Variants in SORCS1 observed in about 807,000 individuals in gnomAD.
SORCS1 encodes VPS10 domain-containing receptor SorCS1.
In SORCS1, 60 loss-of-function variants were observed where a neutral mutation model predicts 146.1. The observed-to-expected ratio is 0.41, with a 90% CI of 0.33 to 0.51. The LOEUF (loss-of-function observed/expected upper bound fraction) is 0.51. SORCS1 is among the 20% of genes least tolerant of loss of function. SORCS1 has a pLI of 0.21. For synonymous variants in SORCS1, 637 were observed against 584.0 expected, an observed-to-expected ratio of 1.09 and a Z score of -1.31; for missense variants, 1,352 against 1,487.6, an observed-to-expected ratio of 0.91 and a Z score of 1.50.
intron 1 of SORCS1, among the ~76,000 whole-genome samples, chr10:106,959,478 G>A (rs1955123858): frequency 6.6e-6 from 1 of 152,002 alleles, no homozygotes; most frequent in South Asian, 2.1e-4. Flanking sequence ...TGTTAGATAT[G>A]TTTTGCTGTT....
intron 3 of SORCS1, among the ~76,000 whole-genome samples, chr10:106,815,844 A>G (rs777122275): frequency 3.3e-5 from 5 of 152,324 alleles, no homozygotes; most frequent in Non-Finnish European, 7.4e-5. Context: ...GTTAGCACTA[A>G]AAGTGCAAGG....
chr10:107,068,362 G>C (rs1357984849), intron 1 of SORCS1, among the ~76,000 whole-genome samples: 1 of 152,048 alleles, frequency 6.6e-6, no homozygotes, highest in Non-Finnish European at 1.5e-5. Context: ...ATAACAAGGG[G>C]GAACAACAGA....
chr10:106,824,864 C>T (rs1010274128), intron 3 of SORCS1, among the ~76,000 whole-genome samples: 4 of 152,016 alleles, frequency 2.6e-5, no homozygotes, highest in Non-Finnish European at 2.9e-5. Context: ...AGTCTCTCAG[C>T]AGGAATGATG....
chr10:106,657,648 T>C (rs918906965), intron 17 of SORCS1, among the ~76,000 whole-genome samples: 3 of 109,312 alleles, frequency 2.7e-5, no homozygotes, highest in Non-Finnish European at 3.6e-5. Context: ...ATCTCAAAAA[T>C]ATATAACACT....
At chr10:107,150,459 G>A (rs1158076766) in intron 1 of SORCS1, among the ~76,000 whole-genome samples, 1 of 152,222 alleles carries the variant, frequency 6.6e-6, no homozygotes, top group Non-Finnish European at 1.5e-5. Flanking sequence ...TGCAAGAGTG[G>A]CTACCTGTGC....
At chr10:106,934,435 A>G (rs1457847188) in intron 2 of SORCS1, among the ~76,000 whole-genome samples, 1 of 151,276 alleles carries the variant, frequency 6.6e-6, no homozygotes, top group African/African-American at 2.4e-5. Flanking sequence ...TTTTTTTTGT[A>G]TTTTTAGTGG....
chr10:106,652,412 G>T lies in SORCS1; in HGVS notation c.2445C>A (p.His815Gln), dbSNP rs779202074. 6.2e-7 allele frequency: 1 copy of T among 1,614,132 alleles called. No individual in the cohort carries two copies. The highest frequency in any genetic ancestry group is 1.7e-5 in the Admixed American group (1 of 60,016). ...CTAATTGCACCATGAGAGTGACGTT[G>T]TGTCCTTGTTCCGCTGTCAGCTTTC... ...ADGKLTAEQGHNVTLMVQLEE... is the reference protein window; with the variant it reads ...ADGKLTAEQGQNVTLMVQLEE... Residue 815 changes from histidine (H) to glutamine (Q), a missense_variant, in exon 18 of 26, where the codon CAC (histidine) becomes CAA (glutamine). Around this residue, in one of 3 missense-constraint regions of SORCS1, gnomAD observed 648 missense variants for 793.8 expected, o/e 0.82. Transcript: ENST00000263054.
chr10:106,901,305 T>C (rs1445718951), intron 2 of SORCS1, among the ~76,000 whole-genome samples: 2 of 152,242 alleles, frequency 1.3e-5, no homozygotes, highest in Admixed American at 6.5e-5. Context: ...TTTTGTTTTG[T>C]AATTTTTATG....
At chr10:106,957,082 C>T (rs1037025083) in intron 1 of SORCS1, among the ~76,000 whole-genome samples, 1 of 151,686 alleles carries the variant, frequency 6.6e-6, no homozygotes, top group African/African-American at 2.4e-5. Flanking sequence ...AACAGTAATG[C>T]TATCTCCCAA....
chr10:106,696,530 C>A (rs1225245611), intron 9 of SORCS1, among the ~76,000 whole-genome samples: 1 of 152,188 alleles, frequency 6.6e-6, no homozygotes, highest in Non-Finnish European at 1.5e-5. Context: ...TCTCTCCCAG[C>A]CCCAGGATGC....
At chr10:106,675,524 C>T (rs774401288) in intron 13 of SORCS1, among the ~76,000 whole-genome samples, 31 of 152,118 alleles carry the variant, frequency 2.0e-4, no homozygotes, top group South Asian at 4.1e-4. Flanking sequence ...TCCTGAAGAG[C>T]GATGACCTTG....
At chr10:106,743,821 G>C (rs1438895409) in intron 5 of SORCS1, among the ~76,000 whole-genome samples, 1 of 152,070 alleles carries the variant, frequency 6.6e-6, no homozygotes, top group East Asian at 1.9e-4. Flanking sequence ...ATAATACTAA[G>C]TATACAGAAG....
intron 12 of SORCS1, among the ~76,000 whole-genome samples, chr10:106,678,008 A>G (rs1437991917): frequency 6.6e-6 from 1 of 152,174 alleles, no homozygotes; most frequent in Non-Finnish European, 1.5e-5. Context: ...TACATGTGTC[A>G]TTTGGTCTTT....
chr10:107,059,474 G>A (rs533893580), intron 1 of SORCS1, among the ~76,000 whole-genome samples: 7 of 149,110 alleles, frequency 4.7e-5, no homozygotes, highest in Non-Finnish European at 9.1e-5. Flanking sequence ...TTGAGACAAA[G>A]GCTCTATGCT....
At chr10:106,744,358 G>T (rs1397785188) in intron 5 of SORCS1, among the ~76,000 whole-genome samples, 2 of 152,082 alleles carry the variant, frequency 1.3e-5, no homozygotes, top group Non-Finnish European at 2.9e-5. Flanking sequence ...GCCCACCTCG[G>T]CCTCTCAAAG....
intron 2 of SORCS1, among the ~76,000 whole-genome samples, chr10:106,932,188 T>C (rs757030484): frequency 5.3e-5 from 8 of 152,320 alleles, no homozygotes; most frequent in South Asian, 4.1e-4. Flanking sequence ...AAGCATACTA[T>C]AGTATTAATA....
At chr10:106,699,875 C>A (rs773886093) in intron 8 of SORCS1, among the ~76,000 whole-genome samples, 5 of 152,160 alleles carry the variant, frequency 3.3e-5, no homozygotes, top group Non-Finnish European at 5.9e-5. Flanking sequence ...CATATAGAAC[C>A]TTGGGCCTCA....
rs1427827528 is a variant in SORCS1 at position 106,652,462 on chromosome 10, C to T, written c.2395G>A (p.Gly799Arg). 1 of 1,614,128 alleles carries T rather than the reference C, an allele frequency of 6.2e-7. No individual in the cohort carries two copies. Among genetic ancestry groups the T allele is most frequent in the South Asian group, 1.1e-5 (1 of 91,084 alleles). The change falls in exon 18 of 26, where the codon GGG becomes AGG. Residue 799 changes from glycine (G) to arginine (R), a missense_variant. By Grantham distance (125) the Gly-to-Arg change is moderately radical (BLOSUM62 -2). Transcript: ENST00000263054. ...CCATCAGCCGTGACTATCCGCAGCC[C>T]CCGCGGGGCTTTCCCTGGGCACTTC... is the stretch of plus-strand genomic sequence containing the variant. ...PQKCPGKAPR[G>R]LRIVTADGKL...
intron 17 of SORCS1, among the ~76,000 whole-genome samples, chr10:106,662,238 A>G (rs543009382): frequency 1.9e-4 from 29 of 152,330 alleles, no homozygotes; most frequent in Admixed American, 6.5e-4. Flanking sequence ...AAGCAGGTAA[A>G]CCTGAGAACA....
Sources: allele counts gnomAD v4.1 joint callset (sites outside exome capture counted in the v4.1 genomes callset), GRCh38; gene constraint gnomAD v4.1.1; regional missense constraint gnomAD v4.1.1; transcripts MANE v1.5; gene names NCBI Gene and HGNC (gene_info 2026-07-23, HGNC 2026-07-21).